Variants in DNAAF4 observed in about 807,000 individuals in gnomAD.
DNAAF4 encodes the protein dynein axonemal assembly factor 4.
Under a neutral mutation model 51.8 loss-of-function variants are expected in DNAAF4, and 43 were observed. The ratio of observed to expected loss-of-function variants is 0.83; its 90% CI spans 0.65 to 1.07. The LOEUF (loss-of-function observed/expected upper bound fraction) is 1.07. DNAAF4 is among the 50% of genes least tolerant of loss of function. The probability of loss-of-function intolerance (pLI) is 0.00; values close to 1 mark genes in which losing one functional copy is unlikely to be tolerated. For synonymous variants in DNAAF4, 194 were observed against 165.6 expected (o/e 1.17, Z -1.32); for missense variants, 581 against 493.0 (o/e 1.18, Z -1.69).
chr15:55,442,647 A>G (rs1338934502), intron 6 of DNAAF4: 9 of 1,530,592 alleles, frequency 5.9e-6, no homozygotes, highest in Admixed American at 1.7e-5. Context: ...TCAGACTTTT[A>G]GCAGGATTCA....
In DNAAF4 at chr15:55,498,486, C is replaced by T; in HGVS notation, c.-157G>A. 1 of 1,073,708 alleles carries T rather than the reference C, an allele frequency of 9.3e-7. No homozygotes were observed. The allele number at this position is 1,073,708 out of a possible 1,614,324, so 66.5% of individuals were successfully genotyped here. ...TCCGGCGCCAGCACCTCGCGGACTCCATGCGTGACTATCCAGGCGCCCAGA... is the reference window on the plus strand; with the variant it reads ...TCCGGCGCCAGCACCTCGCGGACTCTATGCGTGACTATCCAGGCGCCCAGA... On this transcript the variant is annotated 5_prime_UTR_variant, in exon 2 of 10. It removes an upstream start codon present in the reference 5' UTR. Transcript: ENST00000321149.
intron 4 of DNAAF4, 41 bp from the exon 5 acceptor site, chr15:55,467,202 A>G: frequency 7.1e-7 from 1 of 1,401,628 alleles, no homozygotes; most frequent in African/African-American, 1.5e-5. Flanking sequence ...AAATACATAA[A>G]AGCAACATTT....
intron 7 of DNAAF4, among the ~76,000 whole-genome samples, chr15:55,436,564 T>C (rs1346897333): frequency 1.3e-5 from 2 of 151,914 alleles, no homozygotes; most frequent in Non-Finnish European, 2.9e-5. Flanking sequence ...TTTGTATTTT[T>C]AGTAGAGACA....
At chr15:55,446,072 GT>G in intron 6 of DNAAF4, among the ~76,000 whole-genome samples, 1 of 140,460 alleles carries the variant, frequency 7.1e-6, no homozygotes, top group South Asian at 2.3e-4. Context: ...CCCAGATGGG[GT>G]GGCGGCCGGG....
chr15:55,500,408 C>G (rs2058690288), intron 1 of DNAAF4, among the ~76,000 whole-genome samples: 1 of 152,126 alleles, frequency 6.6e-6, no homozygotes, highest in Non-Finnish European at 1.5e-5. Context: ...TGTTCTATTC[C>G]TACTTTTACC....
intron 4 of DNAAF4, among the ~76,000 whole-genome samples, chr15:55,487,278 C>A (rs1452412285): frequency 6.6e-6 from 1 of 151,998 alleles, no homozygotes. Context: ...AATCAGTGCT[C>A]TGTGTCTAGC....
intron 8 of DNAAF4, among the ~76,000 whole-genome samples, chr15:55,433,551 G>A (rs189662176): frequency 0.031 from 4,602 of 148,182 alleles, 91 homozygotes; most frequent in Non-Finnish European, 0.04. Context: ...GCGTGAACCG[G>A]GGAGGCGGAG....
chr15:55,438,134 G>A (rs1411348927), intron 7 of DNAAF4, among the ~76,000 whole-genome samples: 2 of 151,716 alleles, frequency 1.3e-5, no homozygotes, highest in Admixed American at 6.6e-5. Flanking sequence ...ACTTTGGGAG[G>A]TCAAGGTGCG....
At chr15:55,494,845 A>G (rs1051712776) in intron 3 of DNAAF4, among the ~76,000 whole-genome samples, 1 of 152,150 alleles carries the variant, frequency 6.6e-6, no homozygotes, top group Non-Finnish European at 1.5e-5. Context: ...TTTTAAATGG[A>G]TGAAAAAAAT....
chr15:55,496,886 C>T lies in DNAAF4; in HGVS notation c.271+826G>A, dbSNP rs531341554. 1.3e-3 allele frequency among the ~76,000 whole-genome samples: 191 copies of T among 152,278 alleles called. 1 individual carries two copies. Among genetic ancestry groups the T allele is most frequent in the Non-Finnish European group, 2.2e-3 (153 of 68,022 alleles). ...GAGGTTTTGCCAGAACTCCTCTTAT[C>T]TGCCTAAAAACAGATTTTCCAAAGG... On this transcript the variant is annotated intron_variant, in intron 3 of 9. Transcript: ENST00000321149.
At chr15:55,488,045 G>A (rs186548862) in intron 4 of DNAAF4, among the ~76,000 whole-genome samples, 13 of 152,054 alleles carry the variant, frequency 8.5e-5, no homozygotes, top group African/African-American at 2.9e-4. Context: ...TCATTTTCCA[G>A]GATTCAGCAC....
downstream of DNAAF4, among the ~76,000 whole-genome samples, chr15:55,427,229 C>A (rs1035020851): frequency 6.6e-6 from 1 of 152,176 alleles, no homozygotes; most frequent in East Asian, 1.9e-4. Flanking sequence ...CCACACCCGG[C>A]TGATTTTTTT....
intron 7 of DNAAF4, among the ~76,000 whole-genome samples, chr15:55,435,862 C>T (rs1335818677): frequency 1.3e-5 from 2 of 152,178 alleles, no homozygotes; most frequent in Non-Finnish European, 2.9e-5. Context: ...GATCTTGGCT[C>T]ACCGCAACCT....
In DNAAF4 at chr15:55,484,046, C is replaced by G. The variant is rs888478947; in HGVS notation, c.405+7077G>C. Among the ~76,000 whole-genome samples the G allele has an allele frequency of 9.9e-5, 15 of 151,882 alleles. 1 individual carries two copies. The highest frequency in any genetic ancestry group is 4.2e-4 in the South Asian group (2 of 4,808). On this transcript the variant is annotated intron_variant, in intron 4 of 9. Transcript: ENST00000321149. Reference sequence around the variant, plus strand: ...ACATCAAAACCACAATGAGATACCACTTCACACCCATTAGGATGGCTACTC... The same window carrying G: ...ACATCAAAACCACAATGAGATACCAGTTCACACCCATTAGGATGGCTACTC...
rs372643539 is a variant in DNAAF4, at chr15:55,460,183, A to ATTT, written c.637+6744_637+6746dup. On this transcript the variant is annotated intron_variant, in intron 5 of 9. Coordinates refer to ENST00000321149, the MANE Select transcript of DNAAF4 (RefSeq NM_130810.4). Reference sequence around the variant, plus strand: ...TATTTATTTATTTATTTACTTATTTATTTATTTTTTTTTTTGAGACAGAGT... The same window carrying ATTT: ...TATTTATTTATTTATTTACTTATTTATTTTTTATTTTTTTTTTTGAGACAGAGT... 7.7e-3 allele frequency among the ~76,000 whole-genome samples: 1,111 copies of ATTT among 145,096 alleles called. 42 individuals are homozygous for ATTT. The highest frequency in any genetic ancestry group is 0.013 in the Non-Finnish European group (856 of 66,346).
chr15:55,469,460 T>A (rs2058218312), intron 4 of DNAAF4, among the ~76,000 whole-genome samples: 1 of 147,060 alleles, frequency 6.8e-6, no homozygotes, highest in African/African-American at 2.5e-5. Context: ...GGGTTTCTCC[T>A]ATGCTTACCA....
At chr15:55,473,171 A>C (rs2058279611) in intron 4 of DNAAF4, among the ~76,000 whole-genome samples, 1 of 131,740 alleles carries the variant, frequency 7.6e-6, no homozygotes, top group South Asian at 2.5e-4. Context: ...ACCTCAAAAC[A>C]AACAAAAAAA....
intron 5 of DNAAF4, among the ~76,000 whole-genome samples, chr15:55,454,736 T>A (rs2057991365): frequency 6.6e-6 from 1 of 152,178 alleles, no homozygotes; most frequent in Non-Finnish European, 1.5e-5. Context: ...AATTGATGAA[T>A]GACAAAGTTC....
intron 1 of DNAAF4, among the ~76,000 whole-genome samples, chr15:55,503,771 A>T (rs151179592): frequency 0.039 from 5,974 of 152,308 alleles, 167 homozygotes; most frequent in Non-Finnish European, 0.052. Context: ...GTTGGAACGT[A>T]TCTCAAAATA....
Sources: allele counts gnomAD v4.1 joint callset (sites outside exome capture counted in the v4.1 genomes callset), GRCh38; gene constraint gnomAD v4.1.1; transcripts MANE v1.5; gene names NCBI Gene and HGNC (gene_info 2026-07-23, HGNC 2026-07-21).